SPDYE11: variants seen among roughly 807,000 people sequenced by gnomAD.
SPDYE11 encodes the protein speedy/RINGO cell cycle regulator family member E11, also known as speedy protein E11.
At chr7:73,055,619 C>CTTTTTTTTTTT (rs1163745417) in intron 2 of SPDYE11, among the ~76,000 whole-genome samples, 1 of 17,224 alleles carries the variant, frequency 5.8e-5, no homozygotes, top group African/African-American at 2.3e-4. Context: ...TTTTTTTCTT[C>CTTTTTTTTTTT]TTTTTTTTTT....
At chr7:73,055,619 CTTTTTTTTTTTT>C (rs1163745417) in intron 2 of SPDYE11, among the ~76,000 whole-genome samples, 1 of 17,230 alleles carries the variant, frequency 5.8e-5, no homozygotes, top group Admixed American at 6.0e-4. Context: ...TTTTTTTCTT[CTTTTTTTTTTTT>C]TTTTTTTTTT....
intron 2 of SPDYE11, among the ~76,000 whole-genome samples, chr7:73,055,657 C>A (rs1801446478): frequency 1.3e-5 from 1 of 76,504 alleles, no homozygotes; most frequent in African/African-American, 5.4e-5. Flanking sequence ...TAGCATCTCA[C>A]TCTGTCACCC....
At chr7:73,055,612 T>G (rs1384031306) in intron 2 of SPDYE11, among the ~76,000 whole-genome samples, 151 of 28,710 alleles carry the variant, frequency 5.3e-3, no homozygotes, top group African/African-American at 0.017. Context: ...CCCTTCTTTT[T>G]TTTCTTCTTT....
chr7:73,055,651 A>C (rs1801446404), intron 2 of SPDYE11, among the ~76,000 whole-genome samples: 1 of 67,902 alleles, frequency 1.5e-5, no homozygotes, highest in Non-Finnish European at 2.9e-5. Context: ...TTGAGATAGC[A>C]TCTCACTCTG....
chr7:73,055,649 G>A (rs1303357965), intron 2 of SPDYE11, among the ~76,000 whole-genome samples: 3 of 68,350 alleles, frequency 4.4e-5, no homozygotes, highest in African/African-American at 5.9e-5. Context: ...TTTTGAGATA[G>A]CATCTCACTC....
At position 73,052,416 on chromosome 7, in the gene SPDYE11, G is replaced by A. The variant is rs2129584146; in HGVS notation, c.447C>T (p.Ala149=). ...LAMVIAYFSR[A]GLPSWQYQRI... ...GTTGGTATTGCCAGGAGGGGAGGCC[G>A]GCCCGGCTGAAATACGCTATGACCA... Residue 149 remains alanine (A), a synonymous_variant, in exon 5 of 8, where the codon GCC becomes GCT. Coordinates refer to ENST00000340073, the MANE Select transcript of SPDYE11 (RefSeq NM_001351349.3). 1 of 17,726 alleles carries A rather than the reference G, an allele frequency of 5.6e-5. No homozygotes were observed. Among genetic ancestry groups the A allele is most frequent in the East Asian group, 4.2e-4 (1 of 2,356 alleles). 1.1% of individuals were successfully genotyped at this position (17,726 alleles called of 1,614,324 possible).
chr7:73,055,637 T>G (rs1305812416), intron 2 of SPDYE11, among the ~76,000 whole-genome samples: 2 of 70,992 alleles, frequency 2.8e-5, no homozygotes, highest in South Asian at 1.3e-3. Context: ...TTTTTTTTTT[T>G]TTTTTGAGAT....
chr7:73,055,589 T>G (rs1316029803), intron 2 of SPDYE11, among the ~76,000 whole-genome samples: 1 of 34,456 alleles, frequency 2.9e-5, no homozygotes, highest in Non-Finnish European at 5.6e-5. Context: ...AGGTTCTCCT[T>G]CCTGACCTCT....
chr7:73,055,619 C>CTTT (rs1163745417), intron 2 of SPDYE11, among the ~76,000 whole-genome samples: 2 of 17,218 alleles, frequency 1.2e-4, no homozygotes, highest in African/African-American at 2.3e-4. Context: ...TTTTTTTCTT[C>CTTT]TTTTTTTTTT....
intron 2 of SPDYE11, among the ~76,000 whole-genome samples, chr7:73,055,470 T>C (rs1326136721): frequency 0.027 from 591 of 22,180 alleles, 16 homozygotes; most frequent in Non-Finnish European, 0.031. Flanking sequence ...GGTCTCAAAC[T>C]CCTGGCCTCA....
chr7:73,055,612 T>A (rs1384031306), intron 2 of SPDYE11, among the ~76,000 whole-genome samples: 4 of 28,910 alleles, frequency 1.4e-4, no homozygotes, highest in Non-Finnish European at 2.4e-4. Context: ...CCCTTCTTTT[T>A]TTTCTTCTTT....
At chr7:73,052,475 CAG>C in intron 4 of SPDYE11, 21 bp from the exon 5 acceptor site, 15 of 19,894 alleles carry the variant, frequency 7.5e-4, no homozygotes, top group East Asian at 5.4e-3. Context: ...GAAAGGAACA[CAG>C]AGAGGGAGAG....
rs1426399126 is a variant in SPDYE11, at chr7:73,055,696, C to G, written c.130+286G>C. Among the ~76,000 whole-genome samples, 5 of 83,254 alleles carry G rather than the reference C, an allele frequency of 6.0e-5. 2 individuals are homozygous for G. The highest frequency in any genetic ancestry group is 2.5e-4 in the African/African-American group (5 of 19,660). The allele number at this position is 83,254 out of a possible 152,430, so 54.6% of individuals were successfully genotyped here. A position where few individuals can be genotyped will look rare whatever the true frequency, so the allele number is the denominator to read the frequency against. On this transcript the variant is annotated intron_variant, in intron 2 of 7. Coordinates refer to ENST00000340073, the MANE Select transcript of SPDYE11 (RefSeq NM_001351349.3). Reference sequence around the variant, plus strand: ...CTGGAGTGCAGTAGCACGATCTTGGCTCACTGCAACCTCTTCCTCCCAGGC... The same window carrying G: ...CTGGAGTGCAGTAGCACGATCTTGGGTCACTGCAACCTCTTCCTCCCAGGC...
Sources: gnomAD v4.1 joint callset for allele counts (sites outside exome capture counted in the v4.1 genomes callset) on GRCh38, gnomAD v4.1.1 for gene constraint, MANE v1.5 for transcripts, NCBI Gene and HGNC (gene_info 2026-07-23, HGNC 2026-07-21) for gene names.